Variants in LIPN observed in about 807,000 individuals in gnomAD.
LIPN encodes lipase family member N, also known as lipase member N.
In LIPN, 32 loss-of-function variants were observed where a neutral mutation model predicts 43.7. The ratio of observed to expected loss-of-function variants is 0.73; its 90% CI spans 0.55 to 0.98. The LOEUF is 0.98. Among genes scored for constraint, LIPN ranks in the 50% least tolerant of loss-of-function variants. LIPN has a pLI of 0.00. For missense variants in LIPN, 505 were observed against 483.8 expected (o/e 1.04, Z -0.41); for synonymous variants, 156 against 157.6 (o/e 0.99, Z 0.08).
At position 88,775,153 on chromosome 10, in the gene LIPN, A is replaced by G. The variant is rs1473901348; in HGVS notation, c.953A>G (p.His318Arg). 3.9e-6 allele frequency: 6 copies of G among 1,542,686 alleles called. No individual in the cohort carries two copies. Among genetic ancestry groups the G allele is most frequent in the Non-Finnish European group, 4.4e-6 (5 of 1,140,500 alleles). ...GGAAATGACGCTGATAATATGAAAC[A>G]TTACAATCAGGTGAGCTATTTACAG... is the stretch of plus-strand genomic sequence containing the variant. ...DWGNDADNMK[H>R]YNQSHPPIYD... Residue 318 changes from histidine (H) to arginine (R), a missense_variant, in exon 9 of 10, where the codon CAT becomes CGT. Transcript: ENST00000404459.
chr10:88,770,558 G>A (rs1054273588), intron 6 of LIPN, among the ~76,000 whole-genome samples: 6 of 151,774 alleles, frequency 4.0e-5, no homozygotes, highest in Non-Finnish European at 7.4e-5. Flanking sequence ...TCCTCATCTG[G>A]AGACACATTC....
chr10:88,771,196 A>G (rs1280647712), intron 7 of LIPN, among the ~76,000 whole-genome samples: 1 of 151,838 alleles, frequency 6.6e-6, no homozygotes, highest in Non-Finnish European at 1.5e-5. Context: ...ATAAGCATAC[A>G]ATGTGTAATG....
chr10:88,759,106 G>T (rs957685130), upstream of LIPN, among the ~76,000 whole-genome samples: 2 of 152,048 alleles, frequency 1.3e-5, no homozygotes, highest in African/African-American at 4.8e-5. Context: ...ACTTTTCCCT[G>T]TTCTGACTAG....
chr10:88,776,063 T>A (rs993597949), intron 9 of LIPN, among the ~76,000 whole-genome samples: 1 of 152,084 alleles, frequency 6.6e-6, no homozygotes, highest in South Asian at 2.1e-4. Flanking sequence ...TAATTTTGTG[T>A]GTCCCATTTA....
intron 9 of LIPN, among the ~76,000 whole-genome samples, chr10:88,775,406 T>C (rs574711531): frequency 6.6e-6 from 1 of 152,084 alleles, no homozygotes; most frequent in African/African-American, 2.4e-5. Flanking sequence ...GTACTAACAT[T>C]TTGGTGTATT....
intron 4 of LIPN, 129 bp from the exon 5 acceptor site, chr10:88,766,140 A>G: frequency 1.6e-6 from 1 of 618,460 alleles, no homozygotes; most frequent in South Asian, 2.0e-5. Flanking sequence ...TAATTGGATA[A>G]ATAATGAAAT....
chr10:88,761,458 C>T lies in LIPN; in HGVS notation c.53C>T (p.Ala18Val), dbSNP rs749704797. 4 of 1,612,350 alleles carry T rather than the reference C, an allele frequency of 2.5e-6. No individual in the cohort carries two copies. Among genetic ancestry groups the T allele is most frequent in the East Asian group, 2.2e-5 (1 of 44,732 alleles). Residue 18 changes from alanine to valine, a missense_variant, in exon 2 of 10, where the codon GCT becomes GTT. By Grantham distance (64) the Ala-to-Val change is moderately conservative. Coordinates refer to ENST00000404459, the MANE Select transcript of LIPN (RefSeq NM_001102469.2). The stretch of plus-strand genomic sequence containing the variant: ...TGTTTGATCTGTGGAACTTTAAATG[C>T]TGGTGGATTCCTTGATTTGGAAAAT... ...TTCLICGTLN[A>V]GGFLDLENEV...
chr10:88,759,433 G>A (rs74464727), upstream of LIPN, among the ~76,000 whole-genome samples: 6,904 of 152,170 alleles, frequency 0.045, 187 homozygotes, highest in South Asian at 0.12. Flanking sequence ...GTAAATTGTC[G>A]TTATTTGGCC....
intron 5 of LIPN, 128 bp downstream of exon 5, chr10:88,766,506 G>C: frequency 1.5e-6 from 1 of 660,708 alleles, no homozygotes; most frequent in Non-Finnish European, 2.8e-6. Context: ...CCTGTCCTCT[G>C]CTGGGAATAA....
At chr10:88,760,423 T>C (rs1343773620) in intron 1 of LIPN, among the ~76,000 whole-genome samples, 2 of 152,164 alleles carry the variant, frequency 1.3e-5, no homozygotes, top group African/African-American at 2.4e-5. Flanking sequence ...AAAAGTTTCA[T>C]AATATTTGCA....
At chr10:88,761,007 A>G (rs907344154) in intron 1 of LIPN, among the ~76,000 whole-genome samples, 1 of 152,082 alleles carries the variant, frequency 6.6e-6, no homozygotes, top group Non-Finnish European at 1.5e-5. Context: ...ACTTTGTGGG[A>G]TACTGGGCTT....
In LIPN at chr10:88,762,246, A is replaced by C. The variant is rs1446868006; in HGVS notation, c.167A>C (p.Asp56Ala). 1.2e-6 allele frequency: 2 copies of C among 1,609,938 alleles called. No homozygotes were observed. Among genetic ancestry groups the C allele is most frequent in the South Asian group, 2.2e-5 (2 of 90,292 alleles). The stretch of plus-strand genomic sequence containing the variant: ...GAAGAGTATGAAGTCACCACTGAAG[A>C]TGGGTATATACTCCTTGTCAACAGA... Reference protein sequence around the residue: ...PSEEYEVTTEDGYILLVNRIP... With the variant: ...PSEEYEVTTEAGYILLVNRIP... The change falls in exon 3 of 10, where the codon GAT (aspartate) becomes GCT (alanine). Residue 56 changes from aspartate (D) to alanine (A), a missense_variant. By Grantham distance (126) the Asp-to-Ala change is moderately radical. Transcript: ENST00000404459.
intron 8 of LIPN, 103 bp from the exon 9 acceptor site, chr10:88,774,989 G>A (rs1843272466): frequency 2.9e-6 from 2 of 693,488 alleles, no homozygotes; most frequent in Admixed American, 2.8e-5. Flanking sequence ...GGTGATCTAG[G>A]AGCCCTATTT....
chr10:88,765,442 A>G (rs1399197101), intron 4 of LIPN, among the ~76,000 whole-genome samples: 9 of 151,952 alleles, frequency 5.9e-5, no homozygotes, highest in Admixed American at 5.9e-4. Context: ...AGGGGCAAGC[A>G]TCAGGAAATA....
intron 9 of LIPN, among the ~76,000 whole-genome samples, 167 bp from the exon 10 acceptor site, chr10:88,777,842 C>T (rs899307276): frequency 3.9e-4 from 60 of 152,086 alleles, no homozygotes; most frequent in African/African-American, 1.4e-3. Flanking sequence ...ATTTGCCTTG[C>T]TCCCTCTTTT....
intron 9 of LIPN, among the ~76,000 whole-genome samples, chr10:88,776,630 T>C (rs996122937): frequency 2.0e-5 from 3 of 152,108 alleles, no homozygotes; most frequent in African/African-American, 7.2e-5. Flanking sequence ...GCTATATCTA[T>C]ATTTTATTGA....
rs1443845474 is a variant in LIPN, at chr10:88,762,250, G to A, written c.171G>A (p.Gly57=). ...AGTATGAAGTCACCACTGAAGATGG[G>A]TATATACTCCTTGTCAACAGAATTC... is the stretch of plus-strand genomic sequence containing the variant. ...SEEYEVTTED[G]YILLVNRIPY... Residue 57 remains glycine, a synonymous_variant, in exon 3 of 10, where the codon GGG becomes GGA. Transcript: ENST00000404459. The A allele has an allele frequency of 6.8e-6, 11 of 1,609,624 alleles. No homozygotes were observed. In the South Asian group the frequency reaches 8.9e-5, roughly 13 times the overall value.
chr10:88,771,107 G>A (rs1843201292), intron 7 of LIPN, 116 bp downstream of exon 7: 1 of 883,594 alleles, frequency 1.1e-6, no homozygotes, highest in East Asian at 2.8e-5. Context: ...AACCCTTAAA[G>A]ACAGATTTTT....
At chr10:88,772,333 C>A (rs1009337358) in intron 7 of LIPN, among the ~76,000 whole-genome samples, 1 of 151,860 alleles carries the variant, frequency 6.6e-6, no homozygotes, top group East Asian at 1.9e-4. Flanking sequence ...TTGGCCCAGA[C>A]CAATGTCCCG....
Sources: allele counts gnomAD v4.1 joint callset (sites outside exome capture counted in the v4.1 genomes callset), GRCh38; gene constraint gnomAD v4.1.1; transcripts MANE v1.5; gene names NCBI Gene and HGNC (gene_info 2026-07-23, HGNC 2026-07-21).